Variants in STIM2 observed in about 807,000 individuals in gnomAD.
The protein encoded by STIM2 is stromal interaction molecule 2.
In STIM2, 31 loss-of-function variants were observed where a neutral mutation model predicts 85.8. The ratio of observed to expected loss-of-function variants is 0.36; its 90% CI spans 0.27 to 0.49. STIM2 has a LOEUF of 0.49. Ranked by LOEUF, STIM2 falls within the 20% of genes least tolerant of loss-of-function variation. The probability of loss-of-function intolerance (pLI) is 0.98; values close to 1 mark genes in which losing one functional copy is unlikely to be tolerated. For synonymous variants in STIM2, 356 were observed against 331.1 expected, an observed-to-expected ratio of 1.08 and a Z score of -0.82; for missense variants, 841 against 927.6, an observed-to-expected ratio of 0.91 and a Z score of 1.21.
intron 1 of STIM2, among the ~76,000 whole-genome samples, chr4:26,862,918 G>T (rs1011024243): frequency 6.6e-6 from 1 of 152,166 alleles, no homozygotes; most frequent in Non-Finnish European, 1.5e-5. Flanking sequence ...GAAGGAGCAG[G>T]AATATTTAGG....
chr4:26,889,635 TG>T (rs987151619), intron 1 of STIM2, among the ~76,000 whole-genome samples: 2 of 152,202 alleles, frequency 1.3e-5, no homozygotes, highest in African/African-American at 4.8e-5. Context: ...GACTCATTAT[TG>T]GTTTCTGTAA....
At chr4:26,921,562 G>C (rs949320047) in intron 2 of STIM2, among the ~76,000 whole-genome samples, 1 of 152,182 alleles carries the variant, frequency 6.6e-6, no homozygotes, top group Non-Finnish European at 1.5e-5. Context: ...GCAAAAACAA[G>C]CAGCCAGCCA....
At chr4:26,877,777 A>G (rs890020194) in intron 1 of STIM2, among the ~76,000 whole-genome samples, 4 of 152,068 alleles carry the variant, frequency 2.6e-5, no homozygotes, top group Non-Finnish European at 5.9e-5. Context: ...ATGGTTTGAA[A>G]ATTTGTCCTC....
At chr4:27,008,676 G>T (rs115831657) in intron 9 of STIM2, 88 bp from the exon 10 acceptor site, 2 of 1,299,440 alleles carry the variant, frequency 1.5e-6, no homozygotes, top group African/African-American at 1.5e-5. Flanking sequence ...TTAGTTAATT[G>T]CCATGGTCTG....
At position 27,017,803 on chromosome 4, in the gene STIM2, C is replaced by G. The variant is rs754578090; in HGVS notation, c.1582C>G (p.Arg528Gly). ...TGTGCCGTCCTCGCCTCAGCCTCAG[C>G]GAGCTCAGCTTGCTCCACACGCCCC... The change falls in exon 11 of 12, where the codon CGA (arginine) becomes GGA (glycine). Residue 528 changes from arginine (R) to glycine (G), a missense_variant. Arg to Gly is a moderately radical substitution (Grantham distance 125). This residue lies in a region of STIM2 where 293 missense variants were observed against 284.5 expected (regional missense o/e 1.03). Coordinates refer to ENST00000467087, the MANE Select transcript of STIM2 (RefSeq NM_020860.4). 1.9e-6 allele frequency: 3 copies of G among 1,614,118 alleles called. No individual in the cohort carries two copies. The highest frequency in any genetic ancestry group is 1.7e-5 in the Admixed American group (1 of 60,012).
chr4:26,996,122 C>G (rs1022688965), intron 4 of STIM2, among the ~76,000 whole-genome samples: 1 of 151,994 alleles, frequency 6.6e-6, no homozygotes, highest in Non-Finnish European at 1.5e-5. Flanking sequence ...GATTTGATAG[C>G]AAAGTCCAGG....
At chr4:26,959,672 G>A (rs1255032740) in intron 3 of STIM2, among the ~76,000 whole-genome samples, 3 of 151,132 alleles carry the variant, frequency 2.0e-5, no homozygotes, top group African/African-American at 7.3e-5. Context: ...AGTGACTTTG[G>A]TGAGATCTTT....
chr4:27,020,389 G>C (rs1423723573), intron 11 of STIM2, among the ~76,000 whole-genome samples: 1 of 152,162 alleles, frequency 6.6e-6, no homozygotes, highest in African/African-American at 2.4e-5. Flanking sequence ...ATTGATTTCT[G>C]AGTCTGATCA....
At chr4:26,953,181 A>G (rs931477409) in intron 2 of STIM2, among the ~76,000 whole-genome samples, 1 of 152,128 alleles carries the variant, frequency 6.6e-6, no homozygotes, top group Non-Finnish European at 1.5e-5. Flanking sequence ...TTGTTTCAGG[A>G]TATCTGAAAT....
At chr4:26,977,044 G>A (rs1342544172) in intron 3 of STIM2, among the ~76,000 whole-genome samples, 1 of 152,160 alleles carries the variant, frequency 6.6e-6, no homozygotes, top group African/African-American at 2.4e-5. Context: ...GTGAGCAGAT[G>A]GAACAAGGGC....
intron 1 of STIM2, among the ~76,000 whole-genome samples, chr4:26,911,003 G>C (rs1012921484): frequency 6.6e-6 from 1 of 152,184 alleles, no homozygotes; most frequent in Non-Finnish European, 1.5e-5. Context: ...TTGAGAGGCT[G>C]AGGCGGGCAG....
At chr4:26,969,136 C>T (rs1726838542) in intron 3 of STIM2, among the ~76,000 whole-genome samples, 1 of 152,184 alleles carries the variant, frequency 6.6e-6, no homozygotes, top group African/African-American at 2.4e-5. Context: ...GAATAATTCT[C>T]CATTGCTGGA....
At chr4:26,973,341 T>G (rs1727043737) in intron 3 of STIM2, among the ~76,000 whole-genome samples, 1 of 152,218 alleles carries the variant, frequency 6.6e-6, no homozygotes, top group South Asian at 2.1e-4. Context: ...AGGGTGTTGA[T>G]TTTAGATCTT....
intron 7 of STIM2, among the ~76,000 whole-genome samples, chr4:27,007,041 G>C (rs1409614524): frequency 6.6e-6 from 1 of 152,304 alleles, no homozygotes; most frequent in Middle Eastern, 3.4e-3. Flanking sequence ...GCTACAGTAG[G>C]CTCTTCTGGA....
rs1343984370 is a variant in STIM2, at chr4:27,025,282, T to C, written c.*2286T>C. ...TATTACATCATTTATATGTGAAAAG[T>C]TGGACATTTCTGTAAGTTTTTAAAA... On this transcript the variant is annotated 3_prime_UTR_variant, in exon 12 of 12. Transcript: ENST00000467087. The C allele has an allele frequency of 6.6e-6, 1 of 152,116 alleles. No homozygotes were observed. The highest frequency in any genetic ancestry group is 2.4e-5 in the African/African-American group (1 of 41,426). The allele number at this position is 152,116 out of a possible 1,614,324, so 9.4% of individuals were successfully genotyped here.
rs182772703 is a variant in STIM2 at position 26,874,376 on chromosome 4, C to G, written c.151+13007C>G. 4.1e-4 allele frequency: 103 copies of G among 248,702 alleles called. 1 individual carries two copies. The highest frequency in any genetic ancestry group is 2.2e-3 in the African/African-American group (99 of 44,198). 15.4% of individuals were successfully genotyped at this position (248,702 alleles called of 1,614,324 possible). ...TGCCTGCCCAAGAGTCTTGTCTGACCACTAGGGCCCAGCACCCCCAACGTC... is the reference window on the plus strand; with the variant it reads ...TGCCTGCCCAAGAGTCTTGTCTGACGACTAGGGCCCAGCACCCCCAACGTC... On this transcript the variant is annotated intron_variant, in intron 1 of 11. Coordinates refer to ENST00000467087, the MANE Select transcript of STIM2 (RefSeq NM_020860.4).
chr4:26,966,047 G>A (rs1726704418), intron 3 of STIM2, among the ~76,000 whole-genome samples: 1 of 152,068 alleles, frequency 6.6e-6, no homozygotes, highest in South Asian at 2.1e-4. Context: ...CCTTATTATG[G>A]TTTTCTATAC....
Position 26,980,958 on chromosome 4 carries a change from C to T in STIM2, c.398-14421C>T, listed in dbSNP as rs55874283. On this transcript the variant is annotated intron_variant, in intron 3 of 11. Coordinates refer to ENST00000467087, the MANE Select transcript of STIM2 (RefSeq NM_020860.4). ...AGGAGCCCTTCCTTACTTTCTGGCA[C>T]GAAAAGATGTTTGAACTAAATGAAT... Among the ~76,000 whole-genome samples the T allele has an allele frequency of 7.3e-3, 1,113 of 152,080 alleles. 7 individuals are homozygous for T. Among genetic ancestry groups the T allele is most frequent in the Non-Finnish European group, 0.01 (709 of 67,976 alleles).
At chr4:26,970,490 T>A (rs190994930) in intron 3 of STIM2, among the ~76,000 whole-genome samples, 1 of 151,680 alleles carries the variant, frequency 6.6e-6, no homozygotes, top group Admixed American at 6.6e-5. Flanking sequence ...TGAGAACATG[T>A]GGTGTTTGGT....
Sources: gnomAD v4.1 joint callset for allele counts (sites outside exome capture counted in the v4.1 genomes callset) on GRCh38, gnomAD v4.1.1 for gene constraint, gnomAD v4.1.1 regional missense constraint, MANE v1.5 for transcripts, NCBI Gene and HGNC (gene_info 2026-07-23, HGNC 2026-07-21) for gene names.